ARHGEF11: variants seen among roughly 807,000 people sequenced by gnomAD.
The protein encoded by ARHGEF11 is Rho guanine exchange factor (GEF) 11.
ARHGEF11 carries 55 observed loss-of-function variants against 193.7 expected under a neutral mutation model. The ratio of observed to expected loss-of-function variants is 0.28; its 90% confidence interval spans 0.23 to 0.36. The LOEUF (loss-of-function observed/expected upper bound fraction) is 0.36. Among genes scored for constraint, ARHGEF11 ranks in the 10% least tolerant of loss-of-function variants. The pLI, the probability that ARHGEF11 is intolerant of heterozygous loss-of-function variation, is 1.00. For synonymous variants in ARHGEF11, 693 were observed against 768.0 expected, an observed-to-expected ratio of 0.90 and a Z score of 1.62; for missense variants, 1,723 against 2,005.6, an observed-to-expected ratio of 0.86 and a Z score of 2.69.
chr1:156,943,066 T>C (rs1657392489), intron 32 of ARHGEF11, among the ~76,000 whole-genome samples: 2 of 75,152 alleles, frequency 2.7e-5, no homozygotes, highest in Admixed American at 2.3e-4. Flanking sequence ...GTTATAAAAC[T>C]TTTTTTTTTT....
chr1:156,938,016 A>G (rs1228861706), intron 38 of ARHGEF11, among the ~76,000 whole-genome samples: 1 of 152,198 alleles, frequency 6.6e-6, no homozygotes, highest in Non-Finnish European at 1.5e-5. Flanking sequence ...CAGGAAGCAC[A>G]GAGAACCACC....
At chr1:156,979,134 C>T in intron 5 of ARHGEF11, 95 bp downstream of exon 5, 1 of 1,192,490 alleles carries the variant, frequency 8.4e-7, no homozygotes, top group African/African-American at 1.5e-5. Context: ...ACAAAGGAAA[C>T]CTCCTGGAAT....
At chr1:156,936,727 C>A (rs868600731) in intron 40 of ARHGEF11, 89 bp downstream of exon 40, 2 of 1,415,452 alleles carry the variant, frequency 1.4e-6, no homozygotes, top group South Asian at 1.4e-5. Flanking sequence ...CTCAGAACCA[C>A]CATCTCTCAC....
intron 11 of ARHGEF11, among the ~76,000 whole-genome samples, chr1:156,964,732 G>A (rs1400284716): frequency 6.6e-6 from 1 of 152,138 alleles, no homozygotes; most frequent in Non-Finnish European, 1.5e-5. Flanking sequence ...TGCAGAATCA[G>A]GCCTGATGTG....
intron 2 of ARHGEF11, 106 bp from the exon 3 acceptor site, chr1:156,984,543 C>T: frequency 1.4e-6 from 1 of 698,698 alleles, no homozygotes; most frequent in South Asian, 1.8e-5. Flanking sequence ...CTTCAAGAAG[C>T]CTTTTCACAC....
At chr1:157,019,869 A>C (rs1669746434) in intron 1 of ARHGEF11, among the ~76,000 whole-genome samples, 1 of 152,158 alleles carries the variant, frequency 6.6e-6, no homozygotes, top group Non-Finnish European at 1.5e-5. Flanking sequence ...GGGAGAAAAG[A>C]AGAGAGATGC....
At chr1:156,993,344 CCACA>C (rs1488689593) in intron 1 of ARHGEF11, among the ~76,000 whole-genome samples, 1 of 151,804 alleles carries the variant, frequency 6.6e-6, no homozygotes, top group African/African-American at 2.4e-5. Flanking sequence ...TCACATGTGC[CCACA>C]CACATATAAT....
chr1:156,958,626 G>A, intron 17 of ARHGEF11, 116 bp downstream of exon 17: 2 of 1,456,334 alleles, frequency 1.4e-6, no homozygotes, highest in Non-Finnish European at 1.9e-6. Context: ...CATCTTTCAG[G>A]GGCAGGAGAA....
intron 37 of ARHGEF11, 148 bp downstream of exon 37, chr1:156,939,400 G>A (rs1656269306): frequency 1.9e-6 from 2 of 1,057,810 alleles, no homozygotes; most frequent in South Asian, 1.5e-5. Context: ...GCCTGATATC[G>A]GCGTTGTCTC....
At chr1:156,953,750 T>C (rs1022561229) in intron 21 of ARHGEF11, among the ~76,000 whole-genome samples, 1 of 152,170 alleles carries the variant, frequency 6.6e-6, no homozygotes, top group African/African-American at 2.4e-5. Flanking sequence ...ATGGACCTTA[T>C]TAACAGGAAA....
At chr1:157,034,831 A>G (rs1671712794) in intron 1 of ARHGEF11, among the ~76,000 whole-genome samples, 1 of 152,196 alleles carries the variant, frequency 6.6e-6, no homozygotes, top group African/African-American at 2.4e-5. Context: ...ATACAAGCAA[A>G]TAAGATAAAG....
At chr1:157,011,485 G>C (rs1236055694) in intron 1 of ARHGEF11, among the ~76,000 whole-genome samples, 1 of 152,010 alleles carries the variant, frequency 6.6e-6, no homozygotes, top group Non-Finnish European at 1.5e-5. Context: ...TATAAAAACT[G>C]GACTTCATCA....
At chr1:156,966,673 TA>T (rs1661706679) in intron 11 of ARHGEF11, among the ~76,000 whole-genome samples, 1 of 152,242 alleles carries the variant, frequency 6.6e-6, no homozygotes. Context: ...GCTCATATTG[TA>T]AGAAAGTTAG....
At chr1:156,952,585 C>G (rs577691313) in intron 21 of ARHGEF11, among the ~76,000 whole-genome samples, 1 of 152,322 alleles carries the variant, frequency 6.6e-6, no homozygotes, top group South Asian at 2.1e-4. Flanking sequence ...GGGCCCTGAT[C>G]CTACTTCAGA....
intron 11 of ARHGEF11, among the ~76,000 whole-genome samples, chr1:156,964,596 C>G (rs1194578383): frequency 6.6e-6 from 1 of 152,160 alleles, no homozygotes; most frequent in African/African-American, 2.4e-5. Flanking sequence ...TTTATGGTCT[C>G]TATGCCCAGA....
At chr1:157,023,537 G>A (rs1006719634) in intron 1 of ARHGEF11, among the ~76,000 whole-genome samples, 17 of 152,280 alleles carry the variant, frequency 1.1e-4, no homozygotes, top group Admixed American at 3.9e-4. Flanking sequence ...AGGCCAAGGC[G>A]GGCAGATCAG....
chr1:157,035,666 C>T (rs1051745401), intron 1 of ARHGEF11, among the ~76,000 whole-genome samples: 1 of 151,494 alleles, frequency 6.6e-6, no homozygotes, highest in Non-Finnish European at 1.5e-5. Flanking sequence ...TCAGCTGGGG[C>T]TCACTTAAAG....
chr1:157,027,309 C>G (rs1199446010), intron 1 of ARHGEF11, among the ~76,000 whole-genome samples: 1 of 152,080 alleles, frequency 6.6e-6, no homozygotes, highest in Non-Finnish European at 1.5e-5. Flanking sequence ...CCAGGAAATC[C>G]AGGCTGCAGT....
At position 156,948,911 on chromosome 1, in the gene ARHGEF11, T is replaced by C; in HGVS notation, c.1926-413A>G. The C allele has an allele frequency of 1.0e-6, 1 of 985,474 alleles. No homozygotes were observed. The highest frequency in any genetic ancestry group is 1.2e-6 in the Non-Finnish European group (1 of 829,922). The allele number at this position is 985,474 out of a possible 1,614,324, so 61.0% of individuals were successfully genotyped here. A position where few individuals can be genotyped will look rare whatever the true frequency, so the allele number is the denominator to read the frequency against. On this transcript the variant is annotated intron_variant, in intron 22 of 40. Coordinates refer to ENST00000368194, the MANE Select transcript of ARHGEF11 (RefSeq NM_198236.3). The surrounding 1 kb of genome is among the most constrained non-coding windows in gnomAD (Gnocchi z 4.2). ...CCAGCTCCCTGCCCCTAGTGGCCAG[T>C]TCACGTTGCCTCTGCTTTGGAACGG... is the stretch of plus-strand genomic sequence containing the variant.
Sources: allele counts gnomAD v4.1 joint callset (sites outside exome capture counted in the v4.1 genomes callset), GRCh38; gene constraint gnomAD v4.1.1; non-coding constraint Gnocchi (gnomAD v3.1); transcripts MANE v1.5; gene names NCBI Gene and HGNC (gene_info 2026-07-23, HGNC 2026-07-21).